CSGALNACT1: variants seen among roughly 807,000 people sequenced by gnomAD.
CSGALNACT1 encodes beta4GalNAcT-1.
A neutral mutation model predicts 51.0 loss-of-function variants in CSGALNACT1; 52 were observed. That is an observed-to-expected ratio of 1.02 (90% CI 0.82 to 1.29). CSGALNACT1 has a LOEUF of 1.29. Ranked by LOEUF, CSGALNACT1 falls within the 50% of genes most tolerant of loss-of-function variation. The pLI, the probability that CSGALNACT1 is intolerant of heterozygous loss-of-function variation, is 0.00. For synonymous variants in CSGALNACT1, 341 were observed against 254.4 expected, an observed-to-expected ratio of 1.34 and a Z score of -3.24; for missense variants, 935 against 679.2, an observed-to-expected ratio of 1.38 and a Z score of -4.19.
At chr8:19,426,770 T>C (rs2058838116) in intron 6 of CSGALNACT1, among the ~76,000 whole-genome samples, 1 of 152,208 alleles carries the variant, frequency 6.6e-6, no homozygotes, top group Non-Finnish European at 1.5e-5. Flanking sequence ...CTACAGGAGA[T>C]TTAATTTCCC....
rs796183411 is a variant in CSGALNACT1 at position 19,587,245 on chromosome 8, G to A, written c.-297+3915C>T. Among the ~76,000 whole-genome samples the A allele has an allele frequency of 3.3e-5, 5 of 152,318 alleles. 1 individual carries two copies. The highest frequency in any genetic ancestry group is 1.2e-4 in the African/African-American group (5 of 41,576). ...CACAGAATCAGAAACTCTGGGAATA[G>A]GCTTGGGCATCTGTAGTTTTATTAA... On this transcript the variant is annotated intron_variant, in intron 3 of 9. Transcript: ENST00000454498.
chr8:19,491,523 T>C (rs2074355279), intron 4 of CSGALNACT1, among the ~76,000 whole-genome samples: 1 of 152,246 alleles, frequency 6.6e-6, no homozygotes, highest in Non-Finnish European at 1.5e-5. Context: ...TGTCATCATT[T>C]ATAAAATTGT....
intron 1 of CSGALNACT1, among the ~76,000 whole-genome samples, chr8:19,643,075 TTAAAAA>T (rs1463767844): frequency 6.6e-6 from 1 of 152,034 alleles, no homozygotes; most frequent in Non-Finnish European, 1.5e-5. Context: ...ACACGACTAC[TTAAAAA>T]TTAAAATTAA....
chr8:19,504,919 G>A (rs2077024146), intron 4 of CSGALNACT1, among the ~76,000 whole-genome samples: 1 of 152,082 alleles, frequency 6.6e-6, no homozygotes, highest in Non-Finnish European at 1.5e-5. Flanking sequence ...AAAGTTTTAT[G>A]TTTATCTATT....
At chr8:19,715,919 T>A (rs1188721746) in intron 1 of CSGALNACT1, among the ~76,000 whole-genome samples, 1 of 152,198 alleles carries the variant, frequency 6.6e-6, no homozygotes, top group Non-Finnish European at 1.5e-5. Context: ...ACTGCTGCAC[T>A]CTCAGACTTC....
chr8:19,584,109 A>G (rs1470674240), intron 3 of CSGALNACT1, among the ~76,000 whole-genome samples: 1 of 152,240 alleles, frequency 6.6e-6, no homozygotes, highest in African/African-American at 2.4e-5. Context: ...GTAAGTAGTA[A>G]AGAGGCCATT....
chr8:19,667,683 C>G (rs545624585), intron 1 of CSGALNACT1, among the ~76,000 whole-genome samples: 14 of 152,282 alleles, frequency 9.2e-5, no homozygotes, highest in African/African-American at 3.4e-4. Flanking sequence ...TTCCTCAGAT[C>G]AGGAGAGCTT....
chr8:19,691,791 T>C (rs1171082124), intron 1 of CSGALNACT1, among the ~76,000 whole-genome samples: 1 of 152,166 alleles, frequency 6.6e-6, no homozygotes, highest in Non-Finnish European at 1.5e-5. Flanking sequence ...GAAGTAGTGA[T>C]TCTCCAAGTG....
chr8:19,405,450 A>G (rs1008485972), exon 10 of CSGALNACT1: 1 of 502,176 alleles, frequency 2.0e-6, no homozygotes, highest in East Asian at 5.6e-5. Context: ...CTCTTAAATC[A>G]TGAATATTTC....
intron 1 of CSGALNACT1, among the ~76,000 whole-genome samples, chr8:19,625,965 A>G (rs1203036405): frequency 1.3e-5 from 2 of 152,250 alleles, no homozygotes; most frequent in Non-Finnish European, 2.9e-5. Flanking sequence ...AAAGATTTAA[A>G]GAGCTTTAAA....
At chr8:19,738,727 G>A (rs1398593002) in intron 1 of CSGALNACT1, among the ~76,000 whole-genome samples, 1 of 152,070 alleles carries the variant, frequency 6.6e-6, no homozygotes, top group African/African-American at 2.4e-5. Context: ...GGCTGGCCAA[G>A]CATCACTAAA....
chr8:19,457,240 C>A (rs2064297640), intron 5 of CSGALNACT1, among the ~76,000 whole-genome samples: 1 of 152,200 alleles, frequency 6.6e-6, no homozygotes, highest in Admixed American at 6.5e-5. Flanking sequence ...AGAGTACGCT[C>A]ATGAACCAGA....
chr8:19,685,089 C>T (rs146064274), upstream of CSGALNACT1, among the ~76,000 whole-genome samples: 163 of 152,210 alleles, frequency 1.1e-3, no homozygotes, highest in South Asian at 0.021. Context: ...GAAATTTGAA[C>T]TTGGGAAAGC....
chr8:19,727,056 T>A (rs1407998341), intron 1 of CSGALNACT1, among the ~76,000 whole-genome samples: 1 of 152,150 alleles, frequency 6.6e-6, no homozygotes, highest in African/African-American at 2.4e-5. Context: ...GGGAAGAAGC[T>A]TGCTATTGGT....
rs777176561 is a variant in CSGALNACT1, at chr8:19,505,260, T to C, written c.575A>G (p.Asn192Ser). ...ATTGGGGCTGTTCTCTGCAGGACTGTTCAGGGTCTCCAAGGCTGATTCAAT... is the reference window on the plus strand; with the variant it reads ...ATTGGGGCTGTTCTCTGCAGGACTGCTCAGGGTCTCCAAGGCTGATTCAAT... Residue 192 changes from asparagine to serine, a missense_variant, in exon 4 of 10, where the codon AAC becomes AGC. Physicochemically the swap from Asn to Ser is conservative, Grantham distance 46. Transcript: ENST00000454498. 10 of 1,614,054 alleles carry C rather than the reference T, an allele frequency of 6.2e-6. No individual in the cohort carries two copies. The highest frequency in any genetic ancestry group is 3.3e-4 in the Middle Eastern group (2 of 6,084).
intron 5 of CSGALNACT1, among the ~76,000 whole-genome samples, chr8:19,442,161 C>T (rs559457615): frequency 1.5e-3 from 222 of 152,208 alleles, no homozygotes; most frequent in African/African-American, 4.9e-3. Flanking sequence ...GTCAGTGTGG[C>T]GATTCCTCAG....
chr8:19,640,121 G>T (rs2957622), intron 1 of CSGALNACT1, among the ~76,000 whole-genome samples: 1 of 152,012 alleles, frequency 6.6e-6, no homozygotes, highest in Non-Finnish European at 1.5e-5. Context: ...AAATAACAAA[G>T]ATATATAAGG....
At chr8:19,680,902 A>G (rs2060567735) in intron 1 of CSGALNACT1, among the ~76,000 whole-genome samples, 1 of 152,156 alleles carries the variant, frequency 6.6e-6, no homozygotes, top group Non-Finnish European at 1.5e-5. Context: ...TTAGTGCCAT[A>G]TGTCAGGTTT....
upstream of CSGALNACT1, among the ~76,000 whole-genome samples, chr8:19,685,961 C>T (rs1209646513): frequency 6.6e-6 from 1 of 152,186 alleles, no homozygotes; most frequent in Non-Finnish European, 1.5e-5. Context: ...GCCATCTACC[C>T]ATACTCATGT....
Sources: gnomAD v4.1 joint callset for allele counts (sites outside exome capture counted in the v4.1 genomes callset) on GRCh38, gnomAD v4.1.1 for gene constraint, MANE v1.5 for transcripts, NCBI Gene and HGNC (gene_info 2026-07-23, HGNC 2026-07-21) for gene names.